Variants in PALS1 observed in about 807,000 individuals in gnomAD.
PALS1 encodes protein PALS1.
Under a neutral mutation model 78.9 loss-of-function variants are expected in PALS1, and 31 were observed. The ratio of observed to expected loss-of-function variants is 0.39; its 90% CI spans 0.30 to 0.53. The LOEUF (loss-of-function observed/expected upper bound fraction) is 0.53, where lower values mean the gene tolerates loss of function less well. Among genes scored for constraint, PALS1 ranks in the 20% least tolerant of loss-of-function variants. The probability of loss-of-function intolerance (pLI) is 0.67; values close to 1 mark genes in which losing one functional copy is unlikely to be tolerated. For synonymous variants in PALS1, 276 were observed against 270.9 expected (o/e 1.02, Z -0.18); for missense variants, 704 against 826.5 (o/e 0.85, Z 1.82).
At chr14:67,286,604 C>G (rs1167240276) in intron 3 of PALS1, among the ~76,000 whole-genome samples, 1 of 151,136 alleles carries the variant, frequency 6.6e-6, no homozygotes, top group East Asian at 2.0e-4. Flanking sequence ...GCCTATAATC[C>G]TAGCACTTTG....
chr14:67,246,651 T>TG (rs1567496869), intron 1 of PALS1, among the ~76,000 whole-genome samples: 1 of 142,984 alleles, frequency 7.0e-6, no homozygotes. Flanking sequence ...TACTATAGGT[T>TG]TTTTTTTTTT....
At chr14:67,260,322 G>T (rs568794868) in intron 1 of PALS1, among the ~76,000 whole-genome samples, 2 of 152,332 alleles carry the variant, frequency 1.3e-5, no homozygotes, top group Admixed American at 1.3e-4. Flanking sequence ...GAGGACATTC[G>T]TGGTAAGAAG....
intron 4 of PALS1, chr14:67,294,567 A>G (rs1016204286): frequency 2.6e-5 from 4 of 152,162 alleles, no homozygotes; most frequent in Non-Finnish European, 4.4e-5. Flanking sequence ...ATTAGGTATC[A>G]TATAATAATA....
intron 14 of PALS1, among the ~76,000 whole-genome samples, chr14:67,325,589 T>C (rs2085340379): frequency 6.6e-6 from 1 of 152,150 alleles, no homozygotes; most frequent in African/African-American, 2.4e-5. Context: ...GTGTAAAATT[T>C]AGTGTCCAAT....
At chr14:67,311,662 G>A (rs1415885463) in intron 8 of PALS1, among the ~76,000 whole-genome samples, 1 of 152,132 alleles carries the variant, frequency 6.6e-6, no homozygotes, top group Non-Finnish European at 1.5e-5. Context: ...TGGAAGAAAT[G>A]GCATACAGAA....
At chr14:67,244,438 A>C (rs1480564916) in intron 1 of PALS1, among the ~76,000 whole-genome samples, 1 of 152,224 alleles carries the variant, frequency 6.6e-6, no homozygotes, top group Non-Finnish European at 1.5e-5. Context: ...AATTTTTGCT[A>C]ATCTGGTGGA....
chr14:67,325,050 G>A (rs761823938), intron 14 of PALS1, among the ~76,000 whole-genome samples: 2 of 151,530 alleles, frequency 1.3e-5, no homozygotes, highest in Admixed American at 6.6e-5. Context: ...GACTACAGGT[G>A]CCCACCATCA....
chr14:67,320,596 G>A (rs567512000), intron 12 of PALS1, among the ~76,000 whole-genome samples, 199 bp downstream of exon 12: 2 of 152,280 alleles, frequency 1.3e-5, no homozygotes, highest in East Asian at 1.9e-4. Context: ...CTTCAAGTAT[G>A]TACTGATTAT....
At chr14:67,313,975 TAA>T (rs541234501) in intron 9 of PALS1, among the ~76,000 whole-genome samples, 1 of 143,668 alleles carries the variant, frequency 7.0e-6, no homozygotes, top group Non-Finnish European at 1.5e-5. Flanking sequence ...AAACAAAAAT[TAA>T]AAAAAAAAAA....
At chr14:67,284,650 A>G (rs2140739972) in intron 3 of PALS1, among the ~76,000 whole-genome samples, 1 of 142,156 alleles carries the variant, frequency 7.0e-6, no homozygotes, top group Middle Eastern at 4.4e-3. Context: ...GTCACTCCCT[A>G]TTCTGTCCAC....
At chr14:67,264,455 T>C (rs1448680992) in intron 1 of PALS1, among the ~76,000 whole-genome samples, 2 of 144,488 alleles carry the variant, frequency 1.4e-5, no homozygotes, top group African/African-American at 5.5e-5. Context: ...GCCAGACCCA[T>C]GTTGTGTTAT....
chr14:67,303,353 T>G (rs2084955406), intron 7 of PALS1, among the ~76,000 whole-genome samples, 169 bp from the exon 8 acceptor site: 1 of 152,250 alleles, frequency 6.6e-6, no homozygotes, highest in African/African-American at 2.4e-5. Context: ...CTTCACACAC[T>G]TATTTTCATC....
chr14:67,261,776 T>A (rs974755028), intron 1 of PALS1, among the ~76,000 whole-genome samples: 3 of 151,102 alleles, frequency 2.0e-5, no homozygotes, highest in Non-Finnish European at 4.4e-5. Context: ...GAGTTTTTTT[T>A]AGGTACTTTG....
intron 4 of PALS1, among the ~76,000 whole-genome samples, chr14:67,298,827 C>A (rs1333015310): frequency 2.6e-5 from 4 of 152,346 alleles, no homozygotes; most frequent in Middle Eastern, 3.4e-3. Flanking sequence ...CGATGACAAT[C>A]ACCTCTTTCA....
rs542500810 is a variant in PALS1 at position 67,328,565 on chromosome 14, T to C, written c.1852-4215T>C. 8.1e-4 allele frequency among the ~76,000 whole-genome samples: 124 copies of C among 152,354 alleles called. 1 individual carries two copies. The highest frequency in any genetic ancestry group is 2.8e-3 in the African/African-American group (118 of 41,586). On this transcript the variant is annotated intron_variant, in intron 14 of 14. Coordinates refer to ENST00000261681, the MANE Select transcript of PALS1 (RefSeq NM_022474.4). ...GAAGTCCTTGCCCATGCCTATGTCC[T>C]GAATGGTATTGCCTAGGTTTTCTTC...
In PALS1 at chr14:67,333,632, T is replaced by A. The variant is rs185664071; in HGVS notation, c.*676T>A. The A allele has an allele frequency of 8.5e-5, 13 of 152,758 alleles. No individual in the cohort carries two copies. Among genetic ancestry groups the A allele is most frequent in the Admixed American group, 2.6e-4 (4 of 15,298 alleles). 9.5% of individuals were successfully genotyped at this position (152,758 alleles called of 1,614,324 possible). ...GGATCAGACTCTACACTCAACACAC[T>A]CTAATCTACTTAAAGGTATACAAAA... is the stretch of plus-strand genomic sequence containing the variant. On this transcript the variant is annotated 3_prime_UTR_variant, in exon 15 of 15. Coordinates refer to ENST00000261681, the MANE Select transcript of PALS1 (RefSeq NM_022474.4).
intron 13 of PALS1, 119 bp from the exon 14 acceptor site, chr14:67,323,583 T>C (rs2141007450): frequency 3.7e-6 from 1 of 272,104 alleles, no homozygotes; most frequent in Non-Finnish European, 6.7e-6. Flanking sequence ...CACTGCACTC[T>C]AGCCTAGGCA....
intron 8 of PALS1, 69 bp downstream of exon 8, chr14:67,303,668 G>A: frequency 1.8e-6 from 2 of 1,101,208 alleles, no homozygotes; most frequent in South Asian, 2.5e-5. Flanking sequence ...ACTGTTTACT[G>A]TTACAGAAAT....
At chr14:67,297,504 A>G (rs1447754553) in intron 4 of PALS1, among the ~76,000 whole-genome samples, 1 of 152,212 alleles carries the variant, frequency 6.6e-6, no homozygotes, top group East Asian at 1.9e-4. Flanking sequence ...AATTTATTCT[A>G]TACATGATTG....
Sources: gnomAD v4.1 joint callset for allele counts (sites outside exome capture counted in the v4.1 genomes callset) on GRCh38, gnomAD v4.1.1 for gene constraint, MANE v1.5 for transcripts, NCBI Gene and HGNC (gene_info 2026-07-23, HGNC 2026-07-21) for gene names.